The following PPP4R4 variants were observed in gnomAD, a reference collection of about 807,000 sequenced individuals.
The protein encoded by PPP4R4 is serine/threonine-protein phosphatase 4 regulatory subunit 4.
In PPP4R4, 70 loss-of-function variants were observed where a neutral mutation model predicts 121.8. The ratio of observed to expected loss-of-function variants is 0.57; its 90% CI spans 0.47 to 0.70. The LOEUF is 0.70. PPP4R4 is among the 30% of genes least tolerant of loss of function. The pLI is 0.00. For missense variants in PPP4R4, 875 were observed against 1,033.6 expected (o/e 0.85, Z 2.10); for synonymous variants, 348 against 355.7 (o/e 0.98, Z 0.24).
At chr14:94,204,959 A>G (rs1002228586) in intron 2 of PPP4R4, among the ~76,000 whole-genome samples, 4 of 152,198 alleles carry the variant, frequency 2.6e-5, no homozygotes, top group African/African-American at 9.6e-5. Flanking sequence ...CCAGCGTTGC[A>G]TCCCTGCAAT....
intron 2 of PPP4R4, among the ~76,000 whole-genome samples, chr14:94,186,211 T>C (rs1471577459): frequency 6.6e-6 from 1 of 152,218 alleles, no homozygotes; most frequent in Non-Finnish European, 1.5e-5. Flanking sequence ...ATATTGAACA[T>C]ATCCGTCACT....
Position 94,251,852 on chromosome 14 carries a change from T to G in PPP4R4, c.1821T>G (p.Phe607Leu). 6.3e-7 allele frequency: 1 copy of G among 1,597,458 alleles called. No individual in the cohort carries two copies. Among genetic ancestry groups the G allele is most frequent in the South Asian group, 1.1e-5 (1 of 89,078 alleles). Reference protein sequence around the residue: ...FSKSFFCKYFFLPAIELTHDP... With the variant: ...FSKSFFCKYFLLPAIELTHDP... Reference sequence around the variant, plus strand: ...AATCATTTTTCTGTAAATATTTCTTTCTACCTGCTATTGAACTGACACATG... The same window carrying G: ...AATCATTTTTCTGTAAATATTTCTTGCTACCTGCTATTGAACTGACACATG... The change falls in exon 16 of 25, where the codon TTT (phenylalanine) becomes TTG (leucine). Residue 607 changes from phenylalanine (F) to leucine (L), a missense_variant. Transcript: ENST00000304338.
chr14:94,278,403 A>G (rs1894754272), intron 24 of PPP4R4, among the ~76,000 whole-genome samples: 1 of 152,210 alleles, frequency 6.6e-6, no homozygotes, highest in Non-Finnish European at 1.5e-5. Flanking sequence ...TTGGTAATTA[A>G]AGATCATTCC....
intron 23 of PPP4R4, among the ~76,000 whole-genome samples, chr14:94,272,537 A>G (rs1244798770): frequency 6.6e-6 from 1 of 152,168 alleles, no homozygotes; most frequent in Non-Finnish European, 1.5e-5. Context: ...GTAAAATGCA[A>G]AACTATAAAA....
chr14:94,241,765 C>A, intron 9 of PPP4R4, 23 bp from the exon 10 acceptor site: 2 of 1,508,944 alleles, frequency 1.3e-6, no homozygotes, highest in Non-Finnish European at 1.8e-6. Context: ...AAATGTTGAG[C>A]TAGTTTTTTA....
At chr14:94,273,529 C>T (rs1275416594) in intron 23 of PPP4R4, among the ~76,000 whole-genome samples, 2 of 152,054 alleles carry the variant, frequency 1.3e-5, no homozygotes, top group East Asian at 1.9e-4. Flanking sequence ...GATACCAAAA[C>T]GATGGAAACA....
rs557416363 is a variant in PPP4R4, at chr14:94,235,460, C to T, written c.731+791C>T. Among the ~76,000 whole-genome samples, 6 of 134,344 alleles carry T rather than the reference C, an allele frequency of 4.5e-5. No individual in the cohort carries two copies. The East Asian group carries it at 7.0e-4, about 16-fold the overall frequency. The allele number at this position is 134,344 out of a possible 152,430, so 88.1% of individuals were successfully genotyped here. A position where few individuals can be genotyped will look rare whatever the true frequency, so the allele number is the denominator to read the frequency against. ...TGTCACCCAGGCTGGAGTGCAGTGG[C>T]GCGATCTCGGCTCACTGCAAGCTCC... On this transcript the variant is annotated intron_variant, in intron 7 of 24. Transcript: ENST00000304338.
At chr14:94,220,597 C>A (rs1271996350) in intron 3 of PPP4R4, among the ~76,000 whole-genome samples, 1 of 152,050 alleles carries the variant, frequency 6.6e-6, no homozygotes, top group Non-Finnish European at 1.5e-5. Flanking sequence ...TACAAACCAG[C>A]AACCAACAAT....
intron 2 of PPP4R4, among the ~76,000 whole-genome samples, chr14:94,179,367 C>T (rs756484376): frequency 6.6e-6 from 1 of 152,144 alleles, no homozygotes; most frequent in African/African-American, 2.4e-5. Flanking sequence ...ATAAGGTGTT[C>T]AAGGTTCACC....
At chr14:94,259,561 A>G (rs7159132) in intron 19 of PPP4R4, among the ~76,000 whole-genome samples, 192 bp downstream of exon 19, 19,292 of 152,220 alleles carry the variant, frequency 0.13, 1,360 homozygotes, top group Admixed American at 0.21. Flanking sequence ...GCCTTTTAAA[A>G]AAACTACTTT....
intron 4 of PPP4R4, 25 bp downstream of exon 4, chr14:94,230,759 A>G: frequency 1.9e-6 from 3 of 1,585,348 alleles, no homozygotes; most frequent in Non-Finnish European, 2.6e-6. Context: ...ATGCTTAATT[A>G]TATACTTGTT....
At chr14:94,237,522 A>G (rs1892404500) in intron 7 of PPP4R4, 43 bp from the exon 8 acceptor site, 1 of 1,567,058 alleles carries the variant, frequency 6.4e-7, no homozygotes, top group Non-Finnish European at 8.7e-7. Context: ...CCTGCTACAC[A>G]TTTATTGATT....
At chr14:94,271,778 G>C (rs570368708) in intron 23 of PPP4R4, among the ~76,000 whole-genome samples, 1 of 152,322 alleles carries the variant, frequency 6.6e-6, no homozygotes, top group South Asian at 2.1e-4. Context: ...GAACTAAGAA[G>C]TGATTATGGC....
At chr14:94,254,065 T>G (rs755961928) in intron 16 of PPP4R4, among the ~76,000 whole-genome samples, 5 of 152,196 alleles carry the variant, frequency 3.3e-5, no homozygotes, top group Non-Finnish European at 7.4e-5. Flanking sequence ...AGTACCTAAT[T>G]TATAAAGTAT....
intron 24 of PPP4R4, among the ~76,000 whole-genome samples, chr14:94,275,759 C>G (rs1275987932): frequency 1.3e-5 from 2 of 152,296 alleles, no homozygotes; most frequent in South Asian, 4.1e-4. Flanking sequence ...AAATGGCTCC[C>G]ACTAATGTCT....
intron 3 of PPP4R4, among the ~76,000 whole-genome samples, chr14:94,219,829 A>G (rs565466468): frequency 5.3e-5 from 8 of 152,276 alleles, no homozygotes; most frequent in African/African-American, 1.9e-4. Flanking sequence ...AGGTGTGATG[A>G]CACACACCTG....
chr14:94,273,321 A>T (rs1399388326), intron 23 of PPP4R4, among the ~76,000 whole-genome samples: 1 of 152,220 alleles, frequency 6.6e-6, no homozygotes, highest in South Asian at 2.1e-4. Context: ...CTATCAGGCC[A>T]TGAAAAGACA....
In PPP4R4 at chr14:94,279,616, T is replaced by C. The variant is rs569927366; in HGVS notation, c.*973T>C. ...ATTAGAAGATATTTGTTTTTTAAAA[T>C]ATATTGATGTATGATAAAGATGATC... On this transcript the variant is annotated 3_prime_UTR_variant, in exon 25 of 25. Transcript: ENST00000304338. 1 of 152,752 alleles carries C rather than the reference T, an allele frequency of 6.5e-6. No individual in the cohort carries two copies. Among genetic ancestry groups the C allele is most frequent in the Admixed American group, 6.5e-5 (1 of 15,296 alleles). The allele number at this position is 152,752 out of a possible 1,614,324, so 9.5% of individuals were successfully genotyped here.
intron 3 of PPP4R4, among the ~76,000 whole-genome samples, chr14:94,223,624 G>T (rs1250645709): frequency 6.6e-6 from 1 of 152,150 alleles, no homozygotes; most frequent in African/African-American, 2.4e-5. Context: ...TTGTCTCTTA[G>T]ATCTTGGAAG....
Sources: gnomAD v4.1 joint callset for allele counts (sites outside exome capture counted in the v4.1 genomes callset) on GRCh38, gnomAD v4.1.1 for gene constraint, MANE v1.5 for transcripts, NCBI Gene and HGNC (gene_info 2026-07-23, HGNC 2026-07-21) for gene names.